PBRM1: variants seen among roughly 807,000 people sequenced by gnomAD.
PBRM1 encodes polybromo 1.
Under a neutral mutation model 194.5 loss-of-function variants are expected in PBRM1, and 27 were observed. The ratio of observed to expected loss-of-function variants is 0.14; its 90% confidence interval spans 0.10 to 0.19. The LOEUF (loss-of-function observed/expected upper bound fraction) is 0.19, where lower values mean the gene tolerates loss of function less well. Ranked by LOEUF, PBRM1 falls within the 10% of genes least tolerant of loss-of-function variation. The pLI is 1.00. For synonymous variants in PBRM1, 655 were observed against 693.2 expected, an observed-to-expected ratio of 0.94 and a Z score of 0.87; for missense variants, 1,466 against 2,077.2, an observed-to-expected ratio of 0.71 and a Z score of 5.72.
At chr3:52,551,938 G>A (rs2081076686) in intron 27 of PBRM1, 1 of 152,134 alleles carries the variant, frequency 6.6e-6, no homozygotes, top group African/African-American at 2.4e-5. Flanking sequence ...CTGCTGAAGC[G>A]AGCACTAAGG....
At chr3:52,578,716 TGA>T (rs2090328650) in intron 21 of PBRM1, among the ~76,000 whole-genome samples, 1 of 152,226 alleles carries the variant, frequency 6.6e-6, no homozygotes, top group African/African-American at 2.4e-5. Flanking sequence ...TGTGGTGCTT[TGA>T]GAGTGTGCAA....
rs756379710 is a variant in PBRM1, at chr3:52,627,405, G to A, written c.1444-35C>T. On this transcript the variant is annotated intron_variant, in intron 12 of 29. Transcript: ENST00000296302. ...AGCAGATCTCAGGAGTTGAGCTCATGTGCCAAACACTCCTCTGAATATATG... is the reference window on the plus strand; with the variant it reads ...AGCAGATCTCAGGAGTTGAGCTCATATGCCAAACACTCCTCTGAATATATG... 6.4e-6 allele frequency: 8 copies of A among 1,258,192 alleles called. No individual in the cohort carries two copies. The South Asian group carries it at 7.2e-5, about 11-fold the overall frequency. 77.9% of individuals were successfully genotyped at this position (1,258,192 alleles called of 1,614,324 possible).
chr3:52,668,386 C>G (rs187645448), intron 3 of PBRM1, 112 bp downstream of exon 4: 1 of 687,080 alleles, frequency 1.5e-6, no homozygotes, highest in Non-Finnish European at 2.4e-6. Context: ...AATGCGAACT[C>G]AAGCCACAAA....
At chr3:52,654,902 C>G (rs2096578690) in intron 5 of PBRM1, among the ~76,000 whole-genome samples, 2 of 152,030 alleles carry the variant, frequency 1.3e-5, no homozygotes, top group South Asian at 4.2e-4. Flanking sequence ...ATCCTCCAAA[C>G]TCAGCCCCAC....
intron 10 of PBRM1, among the ~76,000 whole-genome samples, chr3:52,641,318 G>A (rs1442901610): frequency 8.6e-5 from 13 of 151,454 alleles, no homozygotes; most frequent in East Asian, 1.9e-4. Flanking sequence ...GTGGTGGCGC[G>A]TGTCTGTAGT....
intron 21 of PBRM1, among the ~76,000 whole-genome samples, chr3:52,577,247 A>G (rs559541887): frequency 1.3e-5 from 2 of 152,156 alleles, no homozygotes; most frequent in East Asian, 3.9e-4. Flanking sequence ...CCTGGACAAC[A>G]TGGTGAAACC....
At chr3:52,567,565 C>CAAAAAAAAAAAAAAAAAAAAAAAAAAAA (rs10644120) in intron 22 of PBRM1, among the ~76,000 whole-genome samples, 1 of 91,702 alleles carries the variant, frequency 1.1e-5, no homozygotes, top group Non-Finnish European at 2.2e-5. Context: ...TAGGTAATCT[C>CAAAAAAAAAAAAAAAAAAAAAAAAAAAA]AAAAAAAAAA....
intron 15 of PBRM1, among the ~76,000 whole-genome samples, chr3:52,612,061 C>T (rs1576703751): frequency 1.3e-5 from 2 of 151,654 alleles, no homozygotes; most frequent in African/African-American, 4.8e-5. Flanking sequence ...AGTTCAAGAC[C>T]AGCCTGGCCA....
chr3:52,565,128 G>A (rs2084738449), intron 22 of PBRM1, among the ~76,000 whole-genome samples: 2 of 152,082 alleles, frequency 1.3e-5, no homozygotes, highest in South Asian at 2.1e-4. Flanking sequence ...GAACCTGGAA[G>A]GCGGAGGTTG....
chr3:52,679,724 C>A (rs780698147), upstream of PBRM1: 1 of 1,611,650 alleles, frequency 6.2e-7, no homozygotes, highest in Non-Finnish European at 8.5e-7. Context: ...AATCCAACTT[C>A]TTCTATAAGA....
upstream of PBRM1, among the ~76,000 whole-genome samples, chr3:52,684,129 C>T (rs1201798067): frequency 7.7e-6 from 1 of 129,506 alleles, no homozygotes; most frequent in Non-Finnish European, 1.5e-5. Flanking sequence ...GATCACTTTA[C>T]TGAACTCCAG....
At chr3:52,655,216 T>C (rs2096587116) in intron 5 of PBRM1, among the ~76,000 whole-genome samples, 1 of 152,300 alleles carries the variant, frequency 6.6e-6, no homozygotes, top group East Asian at 1.9e-4. Flanking sequence ...ATGGAAACTC[T>C]GTACATATTA....
exon 15 of PBRM1, chr3:52,615,385 A>T (rs780198680): frequency 6.2e-7 from 1 of 1,612,168 alleles, no homozygotes; most frequent in Admixed American, 1.7e-5. Flanking sequence ...TGTCATCATC[A>T]TCAGGCAGTG....
chr3:52,576,510 C>A, intron 22 of PBRM1, 31 bp downstream of exon 24: 1 of 1,555,360 alleles, frequency 6.4e-7, no homozygotes, highest in East Asian at 2.3e-5. Flanking sequence ...ATGGAATAAA[C>A]ACGATTAAAT....
chr3:52,591,686 A>C lies in PBRM1; in HGVS notation c.2780-2431T>G, dbSNP rs368145973. On this transcript the variant is annotated intron_variant, in intron 17 of 29. Transcript: ENST00000296302. ...AGATGCCCACCACCATGCCCGGCTA[A>C]TTTTTGTATTTTCAGTAGAGATGGG... 4.7e-5 allele frequency among the ~76,000 whole-genome samples: 7 copies of C among 150,500 alleles called. No homozygotes were observed. The East Asian group carries it at 9.8e-4, about 21-fold the overall frequency.
At chr3:52,653,426 CT>C (rs1486122188) in intron 5 of PBRM1, among the ~76,000 whole-genome samples, 1 of 151,808 alleles carries the variant, frequency 6.6e-6, no homozygotes, top group African/African-American at 2.4e-5. Flanking sequence ...CCCATCTCTA[CT>C]AAAAATTCAA....
chr3:52,564,205 G>T, exon 23 of PBRM1: 1 of 1,613,508 alleles, frequency 6.2e-7, no homozygotes, highest in Non-Finnish European at 8.5e-7. Flanking sequence ...AGGAGAGGAA[G>T]TCCTTGAATG....
intron 17 of PBRM1, among the ~76,000 whole-genome samples, chr3:52,592,081 T>A (rs1452387775): frequency 6.7e-6 from 1 of 148,766 alleles, no homozygotes; most frequent in Non-Finnish European, 1.5e-5. Context: ...CGCCTCAGCC[T>A]CCCAAGGTAC....
intron 15 of PBRM1, among the ~76,000 whole-genome samples, chr3:52,611,104 C>A (rs966056116): frequency 2.0e-5 from 3 of 151,906 alleles, no homozygotes; most frequent in African/African-American, 7.3e-5. Flanking sequence ...TGTTAGTAAA[C>A]CAATACATAT....
Sources: gnomAD v4.1 joint callset for allele counts (sites outside exome capture counted in the v4.1 genomes callset) on GRCh38, gnomAD v4.1.1 for gene constraint, MANE v1.5 for transcripts, NCBI Gene and HGNC (gene_info 2026-07-23, HGNC 2026-07-21) for gene names.